CSMD1: variants seen among roughly 807,000 people sequenced by gnomAD.
CSMD1 encodes the protein CUB and sushi domain-containing protein 1.
A neutral mutation model predicts 417.5 loss-of-function variants in CSMD1; 213 were observed. That is an observed-to-expected ratio of 0.51 (90% confidence interval 0.46 to 0.57). The LOEUF (loss-of-function observed/expected upper bound fraction) is 0.57, where lower values mean the gene tolerates loss of function less well. CSMD1 is among the 20% of genes least tolerant of loss of function. CSMD1 has a pLI of 0.00. For missense variants in CSMD1, 6,923 were observed against 4,529.7 expected (o/e 1.53, Z -15.17); for synonymous variants, 2,862 against 1,736.8 (o/e 1.65, Z -16.11).
At chr8:3,601,005 A>C (rs1364485559) in intron 8 of CSMD1, among the ~76,000 whole-genome samples, 2 of 152,190 alleles carry the variant, frequency 1.3e-5, no homozygotes, top group East Asian at 3.9e-4. Context: ...ACTAATCTCT[A>C]TGTGCAAGAA....
chr8:3,348,842 C>T (rs983597323), intron 21 of CSMD1, among the ~76,000 whole-genome samples: 3 of 152,218 alleles, frequency 2.0e-5, no homozygotes, highest in African/African-American at 7.2e-5. Flanking sequence ...ATACAACTCT[C>T]TACTTTCTGT....
At chr8:4,422,508 G>A (rs375792287) in intron 2 of CSMD1, among the ~76,000 whole-genome samples, 1 of 152,090 alleles carries the variant, frequency 6.6e-6, no homozygotes, top group East Asian at 1.9e-4. Context: ...GACACATACT[G>A]AGAAAAGACC....
intron 1 of CSMD1, among the ~76,000 whole-genome samples, chr8:4,667,108 A>AT (rs1804987233): frequency 6.6e-6 from 1 of 152,042 alleles, no homozygotes; most frequent in South Asian, 2.1e-4. Context: ...TGAAAAGACT[A>AT]TTTTTTCTCC....
chr8:4,180,999 T>C (rs1484309135), intron 3 of CSMD1, among the ~76,000 whole-genome samples: 1 of 152,140 alleles, frequency 6.6e-6, no homozygotes, highest in Non-Finnish European at 1.5e-5. Context: ...TACCCACTAT[T>C]ATGGAATAAA....
At chr8:3,476,615 AC>A (rs1408692635) in intron 11 of CSMD1, among the ~76,000 whole-genome samples, 3 of 152,172 alleles carry the variant, frequency 2.0e-5, no homozygotes, top group Non-Finnish European at 4.4e-5. Flanking sequence ...CCCCAAAATT[AC>A]AAGGATAAAT....
chr8:4,604,408 T>TGTGTGTGTGTGTGC (rs1554522689), intron 2 of CSMD1, among the ~76,000 whole-genome samples: 1 of 59,392 alleles, frequency 1.7e-5, no homozygotes, highest in African/African-American at 3.4e-5. Flanking sequence ...TGTGTGTGTG[T>TGTGTGTGTGTGTGC]GTGCGCGTGC....
intron 12 of CSMD1, among the ~76,000 whole-genome samples, chr8:3,464,705 T>C (rs1415765019): frequency 6.6e-6 from 1 of 151,864 alleles, no homozygotes; most frequent in Non-Finnish European, 1.5e-5. Context: ...ATACTAGTCA[T>C]ATAGAGTTTG....
intron 23 of CSMD1, among the ~76,000 whole-genome samples, chr8:3,333,311 A>G (rs955198817): frequency 6.6e-6 from 1 of 152,150 alleles, no homozygotes; most frequent in African/African-American, 2.4e-5. Flanking sequence ...AGGCCCCTAC[A>G]CGTGTGGTAT....
At chr8:4,802,748 A>G (rs762805613) in intron 1 of CSMD1, among the ~76,000 whole-genome samples, 40 of 152,180 alleles carry the variant, frequency 2.6e-4, no homozygotes, top group Non-Finnish European at 5.4e-4. Flanking sequence ...TATGTCAACA[A>G]TCATTTATTG....
intron 3 of CSMD1, among the ~76,000 whole-genome samples, chr8:4,155,286 G>C (rs754811898): frequency 1.1e-4 from 17 of 152,296 alleles, no homozygotes; most frequent in South Asian, 6.2e-4. Flanking sequence ...GAATTAGGGG[G>C]TGGAGCAGCA....
At chr8:4,676,070 AAG>A (rs1239821450) in intron 1 of CSMD1, among the ~76,000 whole-genome samples, 1 of 152,222 alleles carries the variant, frequency 6.6e-6, no homozygotes, top group Non-Finnish European at 1.5e-5. Flanking sequence ...AGAAAGTAGA[AAG>A]AGAAGCGATG....
chr8:4,969,671 T>C (rs1028488185), intron 1 of CSMD1, among the ~76,000 whole-genome samples: 1 of 152,044 alleles, frequency 6.6e-6, no homozygotes, highest in African/African-American at 2.4e-5. Context: ...TTTCGAGGTG[T>C]GTCAATATTT....
chr8:3,416,725 C>A (rs1329381352), intron 12 of CSMD1, among the ~76,000 whole-genome samples: 1 of 152,186 alleles, frequency 6.6e-6, no homozygotes, highest in Non-Finnish European at 1.5e-5. Flanking sequence ...GGCAAGGCAG[C>A]ACTGTACATG....
chr8:3,866,464 T>A (rs944963733), intron 5 of CSMD1, among the ~76,000 whole-genome samples: 1 of 152,198 alleles, frequency 6.6e-6, no homozygotes, highest in Non-Finnish European at 1.5e-5. Flanking sequence ...TGTGTGCTTG[T>A]GATATTAATA....
intron 2 of CSMD1, among the ~76,000 whole-genome samples, chr8:4,566,028 A>G (rs1385094351): frequency 6.6e-6 from 1 of 151,936 alleles, no homozygotes; most frequent in African/African-American, 2.4e-5. Context: ...ATATAACTTT[A>G]GCGAAACCTC....
chr8:4,921,186 G>T (rs761128018), intron 1 of CSMD1, among the ~76,000 whole-genome samples: 2 of 152,052 alleles, frequency 1.3e-5, no homozygotes, highest in Non-Finnish European at 2.9e-5. Context: ...TCAGAAACAG[G>T]CAATTTCAAG....
Position 3,905,749 on chromosome 8 carries a change from T to C in CSMD1, c.818+92154A>G, listed in dbSNP as rs573523686. On this transcript the variant is annotated intron_variant, in intron 5 of 69. Coordinates refer to ENST00000635120, the MANE Select transcript of CSMD1 (RefSeq NM_033225.6). ...CGCAGATAATAGACTCGTCTTAAAA[T>C]TGGATGCTCATCACCCTAAACCTTG... Among the ~76,000 whole-genome samples the C allele has an allele frequency of 1.8e-3, 274 of 152,322 alleles. 2 individuals carry two copies. Among genetic ancestry groups the C allele is most frequent in the Non-Finnish European group, 1.7e-3 (114 of 68,036 alleles).
chr8:3,077,034 T>G (rs998929315), intron 49 of CSMD1, among the ~76,000 whole-genome samples: 16 of 152,118 alleles, frequency 1.1e-4, no homozygotes, highest in African/African-American at 2.9e-4. Flanking sequence ...TAAGTGCACT[T>G]CTTTCCATCC....
chr8:3,901,513 C>G (rs944873891), intron 5 of CSMD1, among the ~76,000 whole-genome samples: 8 of 152,172 alleles, frequency 5.3e-5, no homozygotes, highest in African/African-American at 1.9e-4. Flanking sequence ...CCAAGGGAGC[C>G]ACGCTTTGGA....
Sources: allele counts gnomAD v4.1 joint callset (sites outside exome capture counted in the v4.1 genomes callset), GRCh38; gene constraint gnomAD v4.1.1; transcripts MANE v1.5; gene names NCBI Gene and HGNC (gene_info 2026-07-23, HGNC 2026-07-21).